The following CDK14 variants were observed in gnomAD, a reference collection of about 807,000 sequenced individuals.
CDK14 encodes the protein cyclin dependent kinase 14.
In CDK14, 34 loss-of-function variants were observed where a neutral mutation model predicts 60.7. The ratio of observed to expected loss-of-function variants is 0.56; its 90% CI spans 0.43 to 0.75. CDK14 has a LOEUF of 0.75. Ranked by LOEUF, CDK14 falls within the 30% of genes least tolerant of loss-of-function variation. The probability of loss-of-function intolerance (pLI) is 0.00; values close to 1 mark genes in which losing one functional copy is unlikely to be tolerated. For synonymous variants in CDK14, 197 were observed against 203.7 expected, an observed-to-expected ratio of 0.97 and a Z score of 0.28; for missense variants, 482 against 564.1, an observed-to-expected ratio of 0.85 and a Z score of 1.47.
chr7:91,173,745 C>T (rs112483494), intron 14 of CDK14, among the ~76,000 whole-genome samples: 6,348 of 152,268 alleles, frequency 0.042, 433 homozygotes, highest in African/African-American at 0.14. Flanking sequence ...CGCGCTTTTC[C>T]GATGGGCTTA....
intron 5 of CDK14, among the ~76,000 whole-genome samples, chr7:90,856,892 A>G (rs1243645007): frequency 1.3e-5 from 2 of 152,124 alleles, no homozygotes; most frequent in Non-Finnish European, 2.9e-5. Context: ...TCATTCTGGG[A>G]AAGTCAGGCA....
At chr7:90,748,915 T>A (rs1803700764) in intron 4 of CDK14, among the ~76,000 whole-genome samples, 1 of 152,082 alleles carries the variant, frequency 6.6e-6, no homozygotes, top group Non-Finnish European at 1.5e-5. Flanking sequence ...ACTTAAGTAA[T>A]TAAATAAGAA....
At chr7:90,940,785 C>CAAAAAAAAA (rs796301190) in intron 8 of CDK14, among the ~76,000 whole-genome samples, 1 of 137,974 alleles carries the variant, frequency 7.2e-6, no homozygotes, top group Non-Finnish European at 1.6e-5. Context: ...GACCTTGTCT[C>CAAAAAAAAA]AAAAAAAAAA....
At position 90,596,608 on chromosome 7, in the gene CDK14, C is replaced by T; in HGVS notation, c.-20C>T. The stretch of plus-strand genomic sequence containing the variant: ...GCCTGGACCAGTTTGGGGAAGTTGT[C>T]GGGGCTCCGCGTCGCCCAGATGTGT... On this transcript the variant is annotated 5_prime_UTR_variant, in exon 1 of 15. Transcript: ENST00000380050. 4 of 1,607,976 alleles carry T rather than the reference C, an allele frequency of 2.5e-6. No individual in the cohort carries two copies. Among genetic ancestry groups the T allele is most frequent in the African/African-American group, 1.3e-5 (1 of 74,904 alleles).
chr7:90,754,331 C>T lies in CDK14; in HGVS notation c.464+6556C>T, dbSNP rs1803969352. On this transcript the variant is annotated intron_variant, in intron 4 of 14. Coordinates refer to ENST00000380050, the MANE Select transcript of CDK14 (RefSeq NM_001287135.2). The stretch of plus-strand genomic sequence containing the variant: ...AGAACCCAGAAATAAAGCCACACAC[C>T]TACAGCCACCTGATCTTTGACAAAG... Among the ~76,000 whole-genome samples, 2 of 152,100 alleles carry T rather than the reference C, an allele frequency of 1.3e-5. 1 individual carries two copies. The highest frequency in any genetic ancestry group is 1.3e-4 in the Admixed American group (2 of 15,268).
intron 2 of CDK14, among the ~76,000 whole-genome samples, chr7:90,653,903 T>C (rs1324187942): frequency 6.6e-6 from 1 of 152,128 alleles, no homozygotes; most frequent in Non-Finnish European, 1.5e-5. Context: ...CACCTATGAG[T>C]GAGAACAGGT....
intron 3 of CDK14, among the ~76,000 whole-genome samples, chr7:90,734,201 T>TTTGTGGGTAACC (rs1196409011): frequency 7.2e-5 from 11 of 152,248 alleles, no homozygotes; most frequent in African/African-American, 2.7e-4. Flanking sequence ...TGGGCTTCTC[T>TTTGTGGGTAACC]TTGTGGGTAA....
chr7:91,007,655 A>G (rs1454582329), intron 10 of CDK14, among the ~76,000 whole-genome samples: 1 of 152,206 alleles, frequency 6.6e-6, no homozygotes, highest in African/African-American at 2.4e-5. Flanking sequence ...TTCCCAGATG[A>G]ATAGAACCCT....
chr7:90,977,784 G>A (rs777225184), intron 9 of CDK14, among the ~76,000 whole-genome samples: 22 of 152,216 alleles, frequency 1.4e-4, no homozygotes, highest in Non-Finnish European at 2.6e-4. Flanking sequence ...AAGGAGGGTC[G>A]TGTTGCTTTC....
intron 11 of CDK14, among the ~76,000 whole-genome samples, chr7:91,063,433 A>G (rs1341407477): frequency 6.6e-6 from 1 of 152,260 alleles, no homozygotes; most frequent in Non-Finnish European, 1.5e-5. Flanking sequence ...CTTCACGTAC[A>G]CTGTCCTTCA....
chr7:91,043,533 TG>T (rs1430989638), intron 10 of CDK14, among the ~76,000 whole-genome samples: 1 of 152,248 alleles, frequency 6.6e-6, no homozygotes, highest in African/African-American at 2.4e-5. Context: ...AAATAATGGT[TG>T]GAATTATTGA....
At chr7:90,930,311 TAAATC>T (rs1793549467) in intron 8 of CDK14, among the ~76,000 whole-genome samples, 1 of 152,194 alleles carries the variant, frequency 6.6e-6, no homozygotes, top group Admixed American at 6.5e-5. Flanking sequence ...AGCAGATTGA[TAAATC>T]AAGTGCTTTG....
chr7:90,987,947 A>G (rs974386472), intron 10 of CDK14, among the ~76,000 whole-genome samples: 7 of 152,154 alleles, frequency 4.6e-5, no homozygotes, highest in African/African-American at 1.4e-4. Flanking sequence ...GTGTTTTAAT[A>G]CAAGGATTAA....
intron 3 of CDK14, among the ~76,000 whole-genome samples, chr7:90,731,474 C>G (rs958809291): frequency 2.0e-5 from 3 of 152,132 alleles, no homozygotes; most frequent in African/African-American, 7.2e-5. Flanking sequence ...ATATCCATGA[C>G]CATGGAATGT....
At chr7:90,603,081 T>C (rs945350098) in intron 1 of CDK14, among the ~76,000 whole-genome samples, 1 of 152,164 alleles carries the variant, frequency 6.6e-6, no homozygotes, top group Non-Finnish European at 1.5e-5. Flanking sequence ...ACCCAAGTGC[T>C]TCTATCCAGA....
intron 2 of CDK14, among the ~76,000 whole-genome samples, chr7:90,664,502 C>T (rs1051408179): frequency 2.6e-4 from 39 of 152,176 alleles, no homozygotes; most frequent in Admixed American, 4.6e-4. Context: ...ATGTTTATAG[C>T]GGCACTATTC....
intron 10 of CDK14, among the ~76,000 whole-genome samples, chr7:91,014,781 C>A (rs547200071): frequency 5.8e-4 from 89 of 152,276 alleles, no homozygotes; most frequent in African/African-American, 2.0e-3. Context: ...CATTATGGTG[C>A]ACGCCCCAGC....
At chr7:90,945,711 C>T (rs186136393) in intron 8 of CDK14, among the ~76,000 whole-genome samples, 2 of 152,270 alleles carry the variant, frequency 1.3e-5, no homozygotes, top group Admixed American at 1.3e-4. Flanking sequence ...ATTACACGCT[C>T]ATTAAGGACA....
intron 8 of CDK14, among the ~76,000 whole-genome samples, chr7:90,938,494 A>G (rs1174206994): frequency 7.2e-5 from 11 of 152,202 alleles, no homozygotes; most frequent in Non-Finnish European, 1.3e-4. Context: ...TTAGTAATCT[A>G]GTTAAAAACT....
Sources: allele counts gnomAD v4.1 joint callset (sites outside exome capture counted in the v4.1 genomes callset), GRCh38; gene constraint gnomAD v4.1.1; transcripts MANE v1.5; gene names NCBI Gene and HGNC (gene_info 2026-07-23, HGNC 2026-07-21).